Variants in DEAF1 observed in about 807,000 individuals in gnomAD.
The protein encoded by DEAF1 is deformed epidermal autoregulatory factor 1 homolog.
DEAF1 carries 53 observed loss-of-function variants against 58.9 expected under a neutral mutation model. The ratio of observed to expected loss-of-function variants is 0.90; its 90% confidence interval spans 0.72 to 1.13. The LOEUF (loss-of-function observed/expected upper bound fraction) is 1.13. Among genes scored for constraint, DEAF1 ranks in the 50% most tolerant of loss-of-function variants. The pLI, the probability that DEAF1 is intolerant of heterozygous loss-of-function variation, is 0.00. For synonymous variants in DEAF1, 385 were observed against 340.4 expected, an observed-to-expected ratio of 1.13 and a Z score of -1.44; for missense variants, 685 against 791.4, an observed-to-expected ratio of 0.87 and a Z score of 1.61.
Position 694,973 on chromosome 11 carries a change from C to G in DEAF1, c.75G>C (p.Val25=). 10 of 1,171,334 alleles carry G rather than the reference C, an allele frequency of 8.5e-6. No individual in the cohort carries two copies. The highest frequency in any genetic ancestry group is 1.1e-5 in the Non-Finnish European group (10 of 949,436). 72.6% of individuals were successfully genotyped at this position (1,171,334 alleles called of 1,614,324 possible). ...CTGCCGCGGCCGCGGCCGCCGCCGC[C>G]ACAGCGGCCGCGGCCGCCACCGCCG... ...EAAAVAAAAA[V]AAAAAAAAGG... is the part of the protein sequence containing the mutation. The change falls in exon 1 of 12, where the codon GTG becomes GTC. Residue 25 remains valine (V), a synonymous_variant. Transcript: ENST00000382409.
At chr11:671,690 G>A (rs745826238) in intron 10 of DEAF1, among the ~76,000 whole-genome samples, 6 of 150,704 alleles carry the variant, frequency 4.0e-5, no homozygotes, top group South Asian at 4.2e-4. Context: ...TGGGCAACAC[G>A]GCAAGACCCA....
At chr11:651,414 GAAA>G (rs200274966) in intron 11 of DEAF1, 101 of 234,700 alleles carry the variant, frequency 4.3e-4, no homozygotes, top group South Asian at 7.0e-4. Flanking sequence ...ATCTCTGTAA[GAAA>G]AAAAAAAAAA....
chr11:656,414 T>C (rs1859057962), intron 10 of DEAF1, among the ~76,000 whole-genome samples: 1 of 150,166 alleles, frequency 6.7e-6, no homozygotes, highest in East Asian at 2.0e-4. Flanking sequence ...TGCCTTGGCC[T>C]CCCAAAATGC....
intron 10 of DEAF1, among the ~76,000 whole-genome samples, chr11:661,252 TG>T (rs1416912276): frequency 1.3e-5 from 2 of 152,182 alleles, no homozygotes; most frequent in Admixed American, 6.5e-5. Flanking sequence ...TGGCTTCCAC[TG>T]GACACTGTGC....
chr11:670,765 C>CTTTTTTTTTTTTTTTTT (rs1564936960), intron 10 of DEAF1, among the ~76,000 whole-genome samples: 1 of 73,326 alleles, frequency 1.4e-5, no homozygotes, highest in African/African-American at 5.4e-5. Flanking sequence ...TTTCTTTTTT[C>CTTTTTTTTTTTTTTTTT]TTTTTGTTTT....
At chr11:686,780 C>T (rs1860611162) in intron 5 of DEAF1, 78 bp downstream of exon 5, 5 of 1,599,832 alleles carry the variant, frequency 3.1e-6, no homozygotes, top group Non-Finnish European at 4.3e-6. Context: ...TGGTCTGTGC[C>T]CTCCCTCTGG....
Position 695,204 on chromosome 11 carries a change from G to T in DEAF1, c.-157C>A. 1 of 646,470 alleles carries T rather than the reference G, an allele frequency of 1.5e-6. No homozygotes were observed. Among genetic ancestry groups the T allele is most frequent in the Non-Finnish European group, 2.2e-6 (1 of 444,676 alleles). The allele number at this position is 646,470 out of a possible 1,614,324, so 40.0% of individuals were successfully genotyped here. On this transcript the variant is annotated 5_prime_UTR_variant, in exon 1 of 12. Coordinates refer to ENST00000382409, the MANE Select transcript of DEAF1 (RefSeq NM_021008.4). ...GACCGAAAAGGCAGCCAGCCGCCGAGCAGAGCCGAGCCGAGTCCGCCCGCG... is the reference window on the plus strand; with the variant it reads ...GACCGAAAAGGCAGCCAGCCGCCGATCAGAGCCGAGCCGAGTCCGCCCGCG...
chr11:665,309 A>G (rs1479061073), intron 10 of DEAF1, among the ~76,000 whole-genome samples: 1 of 151,794 alleles, frequency 6.6e-6, no homozygotes, highest in African/African-American at 2.4e-5. Flanking sequence ...TCACACTGAG[A>G]GGAGGAGGAC....
chr11:657,792 G>A (rs1243650182), intron 10 of DEAF1, among the ~76,000 whole-genome samples: 1 of 152,166 alleles, frequency 6.6e-6, no homozygotes, highest in Non-Finnish European at 1.5e-5. Flanking sequence ...TGGACAAACT[G>A]CCTGGCCAGG....
chr11:665,248 G>A (rs796128537), intron 10 of DEAF1, among the ~76,000 whole-genome samples: 1 of 141,386 alleles, frequency 7.1e-6, no homozygotes, highest in Non-Finnish European at 1.5e-5. Context: ...CTGAGAGGAG[G>A]AGGACAGGGT....
intron 10 of DEAF1, among the ~76,000 whole-genome samples, chr11:672,617 T>C (rs1333856922): frequency 1.3e-5 from 2 of 152,056 alleles, no homozygotes; most frequent in South Asian, 4.1e-4. Flanking sequence ...GAGACTGAGG[T>C]GGGTGAATCA....
chr11:679,842 G>T, intron 7 of DEAF1, 26 bp from the exon 8 acceptor site: 1 of 1,611,532 alleles, frequency 6.2e-7, no homozygotes. Context: ...CACATTTCAC[G>T]CGGCCAGGCA....
At chr11:693,097 TA>T (rs1228314734) in intron 1 of DEAF1, among the ~76,000 whole-genome samples, 5 of 152,208 alleles carry the variant, frequency 3.3e-5, no homozygotes, top group Non-Finnish European at 5.9e-5. Context: ...TCGTAATTTT[TA>T]AAAAGTATTA....
At chr11:679,626 G>A (rs375758183) in intron 8 of DEAF1, 62 bp downstream of exon 8, 10 of 1,601,440 alleles carry the variant, frequency 6.2e-6, no homozygotes, top group Non-Finnish European at 7.6e-6. Context: ...TGGCGTCGGG[G>A]ATGTGATGTC....
At chr11:656,848 G>A (rs1221644922) in intron 10 of DEAF1, among the ~76,000 whole-genome samples, 1 of 152,152 alleles carries the variant, frequency 6.6e-6, no homozygotes, top group Non-Finnish European at 1.5e-5. Flanking sequence ...GCCTTTCGCG[G>A]TATGCCCTTT....
At chr11:692,852 T>C (rs1430463588) in intron 1 of DEAF1, among the ~76,000 whole-genome samples, 1 of 112,700 alleles carries the variant, frequency 8.9e-6, no homozygotes, top group Non-Finnish European at 2.0e-5. Context: ...AAACTCCGTC[T>C]CAAAAAAAAA....
chr11:680,620 C>T (rs1860313833), intron 7 of DEAF1, among the ~76,000 whole-genome samples: 1 of 152,110 alleles, frequency 6.6e-6, no homozygotes, highest in Non-Finnish European at 1.5e-5. Flanking sequence ...TCTCCGCAGC[C>T]CTCGTCCAGC....
rs370451688 is a variant in DEAF1, at chr11:678,712, T to C, written c.1237A>G (p.Thr413Ala). 1.7e-5 allele frequency: 27 copies of C among 1,614,052 alleles called. No homozygotes were observed. The highest frequency in any genetic ancestry group is 2.3e-5 in the Non-Finnish European group (27 of 1,180,030). Residue 413 changes from threonine (T) to alanine (A), a missense_variant, in exon 9 of 12, where the codon ACG becomes GCG. Around this residue, in one of 3 missense-constraint regions of DEAF1, gnomAD observed 343 missense variants for 379.8 expected, o/e 0.90. Coordinates refer to ENST00000382409, the MANE Select transcript of DEAF1 (RefSeq NM_021008.4). Reference sequence around the variant, plus strand: ...AACCTACCTATTTTGGGATGTGACGTTGGCAACGCAGCTTCTGGAAACGGT... The same window carrying C: ...AACCTACCTATTTTGGGATGTGACGCTGGCAACGCAGCTTCTGGAAACGGT... ...IAPFPEAALP[T>A]SHPKIVLTSL... is the part of the protein sequence containing the mutation.
intron 11 of DEAF1, among the ~76,000 whole-genome samples, chr11:652,068 ACT>A (rs1341202734): frequency 2.6e-5 from 4 of 152,072 alleles, no homozygotes; most frequent in Admixed American, 1.3e-4. Context: ...TACAAGCAAC[ACT>A]CTCCATGATA....
Sources: gnomAD v4.1 joint callset for allele counts (sites outside exome capture counted in the v4.1 genomes callset) on GRCh38, gnomAD v4.1.1 for gene constraint, gnomAD v4.1.1 regional missense constraint, MANE v1.5 for transcripts, NCBI Gene and HGNC (gene_info 2026-07-23, HGNC 2026-07-21) for gene names.